KCNQ1: variants seen among roughly 807,000 people sequenced by gnomAD.
The protein encoded by KCNQ1 is potassium voltage-gated channel subfamily KQT member 1.
Under a neutral mutation model 72.4 loss-of-function variants are expected in KCNQ1, and 49 were observed. The ratio of observed to expected loss-of-function variants is 0.68; its 90% CI spans 0.54 to 0.86. The LOEUF (loss-of-function observed/expected upper bound fraction) is 0.86. Among genes scored for constraint, KCNQ1 ranks in the 40% least tolerant of loss-of-function variants. The probability of loss-of-function intolerance (pLI) is 0.00; values close to 1 mark genes in which losing one functional copy is unlikely to be tolerated. For missense variants in KCNQ1, 790 were observed against 945.1 expected (o/e 0.84, Z 2.15); for synonymous variants, 450 against 412.6 (o/e 1.09, Z -1.10).
rs2133620399 is a variant in KCNQ1 at position 2,486,754 on chromosome 11, A to G, written c.387-41174A>G. On this transcript the variant is annotated intron_variant, in intron 1 of 15. Coordinates refer to ENST00000155840, the MANE Select transcript of KCNQ1 (RefSeq NM_000218.3). The surrounding 1 kb of genome is among the most constrained non-coding windows in gnomAD (Gnocchi z 5.0). The stretch of plus-strand genomic sequence containing the variant: ...CTCATATGATGAGACAGGGAGCAAG[A>G]GAAAGGAGGTTCCAGTCTCCTTTTA... Among the ~76,000 whole-genome samples the G allele has an allele frequency of 6.6e-6, 1 of 152,314 alleles. No individual in the cohort carries two copies. The highest frequency in any genetic ancestry group is 6.5e-5 in the Admixed American group (1 of 15,296).
intron 1 of KCNQ1, among the ~76,000 whole-genome samples, chr11:2,513,493 C>G (rs959810441): frequency 6.6e-6 from 1 of 152,168 alleles, no homozygotes; most frequent in African/African-American, 2.4e-5. Context: ...CCCTCTTCCC[C>G]AGGGCATGGC....
At chr11:2,648,835 G>T (rs1490783443) in intron 10 of KCNQ1, 2 of 398,062 alleles carry the variant, frequency 5.0e-6, no homozygotes, top group Non-Finnish European at 8.9e-6. Context: ...ATTGTATTGG[G>T]GTCTATCTCT....
rs991846655 is a variant in KCNQ1, at chr11:2,623,850, G to A, written c.1393+34996G>A. 1.5e-5 allele frequency: 6 copies of A among 398,458 alleles called. No homozygotes were observed. Among genetic ancestry groups the A allele is most frequent in the African/African-American group, 4.1e-5 (2 of 48,674 alleles). 24.7% of individuals were successfully genotyped at this position (398,458 alleles called of 1,614,324 possible). A position where few individuals can be genotyped will look rare whatever the true frequency, so the allele number is the denominator to read the frequency against. On this transcript the variant is annotated intron_variant, in intron 10 of 15. Coordinates refer to ENST00000155840, the MANE Select transcript of KCNQ1 (RefSeq NM_000218.3). This position sits in a 1 kb window ranked among gnomAD's most constrained non-coding sequence, Gnocchi z 5.2. ...AATTTTATAAGAAACCACTGATTTCGATATACTCTGGATTCTTCGGGGGAT... is the reference window on the plus strand; with the variant it reads ...AATTTTATAAGAAACCACTGATTTCAATATACTCTGGATTCTTCGGGGGAT...
rs562579708 is a variant in KCNQ1, at chr11:2,661,992, C to T, written c.1425C>T (p.Ser475=). 6 of 1,614,214 alleles carry T rather than the reference C, an allele frequency of 3.7e-6. No homozygotes were observed. In the East Asian group the frequency reaches 6.7e-5, roughly 18 times the overall value. The part of the protein sequence containing the change: ...VRKSPTLLEV[S]MPHFMRTNSF... The stretch of plus-strand genomic sequence containing the variant: ...AGAGCCCAACACTGCTGGAAGTGAG[C>T]ATGCCCCATTTCATGAGAACCAACA... The change falls in exon 11 of 16, where the codon AGC becomes AGT. Residue 475 remains serine (S), a synonymous_variant. Transcript: ENST00000155840. This position sits in a 1 kb window ranked among gnomAD's most constrained non-coding sequence, Gnocchi z 5.9.
Position 2,775,964 on chromosome 11 carries a change from C to A in KCNQ1, c.1595C>A (p.Ala532Glu), listed in dbSNP as rs867549263. 6.4e-7 allele frequency: 1 copy of A among 1,558,502 alleles called. No individual in the cohort carries two copies. The highest frequency in any genetic ancestry group is 8.7e-7 in the Non-Finnish European group (1 of 1,150,872). Reference protein sequence around the residue: ...YFVAKKKFQQARKPYDVRDVI... With the variant: ...YFVAKKKFQQERKPYDVRDVI... ...GCGTGTCTTTTTGTCCCGCAGCAAG[C>A]GCGGAAGCCTTACGATGTGCGGGAC... The change falls in exon 13 of 16, where the codon GCG becomes GAG. Residue 532 changes from alanine to glutamate, a missense_variant. By Grantham distance (107) the Ala-to-Glu change is moderately radical. Around this residue, in one of 5 missense-constraint regions of KCNQ1, gnomAD observed 91 missense variants for 139.1 expected, o/e 0.65. Coordinates refer to ENST00000155840, the MANE Select transcript of KCNQ1 (RefSeq NM_000218.3).
intron 2 of KCNQ1, among the ~76,000 whole-genome samples, chr11:2,554,812 C>T (rs1848044151): frequency 6.6e-6 from 1 of 152,210 alleles, no homozygotes; most frequent in Non-Finnish European, 1.5e-5. Flanking sequence ...AAGTTGTTCA[C>T]ATATTAGCTC....
chr11:2,723,695 G>C lies in KCNQ1; in HGVS notation c.1515-45149G>C, dbSNP rs1165387082. ...GACTGGTCCGAGCTGAGTGGTCTAG[G>C]ATGGCCTTGCTCCCGGAGAAGACCC... On this transcript the variant is annotated intron_variant, in intron 11 of 15. Transcript: ENST00000155840. This position sits in a 1 kb window ranked among gnomAD's most constrained non-coding sequence, Gnocchi z 4.2. 6.6e-6 allele frequency among the ~76,000 whole-genome samples: 1 copy of C among 152,208 alleles called. No homozygotes were observed. The highest frequency in any genetic ancestry group is 1.5e-5 in the Non-Finnish European group (1 of 68,034).
At chr11:2,740,665 T>C (rs1055833347) in intron 11 of KCNQ1, among the ~76,000 whole-genome samples, 3 of 152,222 alleles carry the variant, frequency 2.0e-5, no homozygotes, top group Admixed American at 2.0e-4. Flanking sequence ...TCCTCAGGGC[T>C]GGTCCCTTCT....
At chr11:2,476,652 G>A (rs1416055765) in intron 1 of KCNQ1, among the ~76,000 whole-genome samples, 1 of 152,106 alleles carries the variant, frequency 6.6e-6, no homozygotes, top group Non-Finnish European at 1.5e-5. Flanking sequence ...TCTAAATTTA[G>A]ACATGAGAAG....
At chr11:2,800,283 G>T (rs947157743) in intron 15 of KCNQ1, among the ~76,000 whole-genome samples, 8 of 152,252 alleles carry the variant, frequency 5.3e-5, no homozygotes, top group African/African-American at 1.9e-4. Context: ...TCCCCCAGCA[G>T]GGTAACCCTG....
At chr11:2,514,042 G>T (rs1478398894) in intron 1 of KCNQ1, among the ~76,000 whole-genome samples, 1 of 152,224 alleles carries the variant, frequency 6.6e-6, no homozygotes, top group Non-Finnish European at 1.5e-5. Context: ...TCCATTTGGG[G>T]GGTGTGCAGG....
rs953432232 is a variant in KCNQ1 at position 2,645,768 on chromosome 11, G to A, written c.1394-16193G>A. ...CTCCAGGGATGAGATAGAGGGATGTGGGGCCCACAGCAGATGCAGTCTGGT... is the reference window on the plus strand; with the variant it reads ...CTCCAGGGATGAGATAGAGGGATGTAGGGCCCACAGCAGATGCAGTCTGGT... On this transcript the variant is annotated intron_variant, in intron 10 of 15. Coordinates refer to ENST00000155840, the MANE Select transcript of KCNQ1 (RefSeq NM_000218.3). The surrounding 1 kb of genome is among the most constrained non-coding windows in gnomAD (Gnocchi z 5.8). 2 of 398,620 alleles carry A rather than the reference G, an allele frequency of 5.0e-6. No individual in the cohort carries two copies. Among genetic ancestry groups the A allele is most frequent in the Non-Finnish European group, 8.8e-6 (2 of 226,206 alleles). The allele number at this position is 398,620 out of a possible 1,614,324, so 24.7% of individuals were successfully genotyped here.
rs1443928577 is a variant in KCNQ1 at position 2,579,524 on chromosome 11, C to T, written c.922-3911C>T. ...CCCAGCATGGTGACCATAAAACAGC[C>T]CATTCCTGAGCTGCCTGTGTCTGAA... On this transcript the variant is annotated intron_variant, in intron 6 of 15. Coordinates refer to ENST00000155840, the MANE Select transcript of KCNQ1 (RefSeq NM_000218.3). The surrounding 1 kb of genome is among the most constrained non-coding windows in gnomAD (Gnocchi z 6.0). Among the ~76,000 whole-genome samples, 1 of 152,232 alleles carries T rather than the reference C, an allele frequency of 6.6e-6. No individual in the cohort carries two copies. Among genetic ancestry groups the T allele is most frequent in the East Asian group, 1.9e-4 (1 of 5,202 alleles).
At chr11:2,629,116 A>G (rs1217578489) in intron 10 of KCNQ1, 5 of 397,906 alleles carry the variant, frequency 1.3e-5, no homozygotes, top group South Asian at 1.3e-4. Flanking sequence ...TTTTTTGTCT[A>G]TATCTGTGAA....
intron 15 of KCNQ1, among the ~76,000 whole-genome samples, chr11:2,845,673 C>T (rs549483898): frequency 6.6e-6 from 1 of 152,332 alleles, no homozygotes; most frequent in East Asian, 1.9e-4. Context: ...TCACCCCATA[C>T]CTGCAAGGCA....
rs185167500 is a variant in KCNQ1, at chr11:2,467,154, C to T, written c.386+21670C>T. Among the ~76,000 whole-genome samples, 609 of 152,086 alleles carry T rather than the reference C, an allele frequency of 4.0e-3. 4 individuals are homozygous for T. The highest frequency in any genetic ancestry group is 0.014 in the African/African-American group (584 of 41,502). On this transcript the variant is annotated intron_variant, in intron 1 of 15. Coordinates refer to ENST00000155840, the MANE Select transcript of KCNQ1 (RefSeq NM_000218.3). ...TGGTCAGCAGGTCCGAGGGCCTGGG[C>T]CTCCCTGGGGTGAGGGCCAGGGTGC...
chr11:2,680,608 G>A (rs944803208), intron 11 of KCNQ1: 25 of 398,282 alleles, frequency 6.3e-5, no homozygotes, highest in African/African-American at 4.1e-4. Context: ...GTAACATCTT[G>A]CAAAACTGTA....
At chr11:2,699,416 C>T (rs1850734787) in intron 11 of KCNQ1, 2 of 398,498 alleles carry the variant, frequency 5.0e-6, no homozygotes, top group Non-Finnish European at 8.7e-6. Flanking sequence ...ATGGGGAGGG[C>T]CGCGCTGAGG....
At chr11:2,618,766 A>C (rs1451532962) in intron 10 of KCNQ1, 3 of 398,316 alleles carry the variant, frequency 7.5e-6, no homozygotes, top group Admixed American at 4.4e-5. Flanking sequence ...CTGTATATTG[A>C]TTTGGATATT....
Sources: gnomAD v4.1 joint callset for allele counts (sites outside exome capture counted in the v4.1 genomes callset) on GRCh38, gnomAD v4.1.1 for gene constraint, gnomAD v4.1.1 regional missense constraint, Gnocchi (gnomAD v3.1) non-coding constraint, MANE v1.5 for transcripts, NCBI Gene and HGNC (gene_info 2026-07-23, HGNC 2026-07-21) for gene names.